The following GAK variants were observed in gnomAD, a reference collection of about 807,000 sequenced individuals.
The protein encoded by GAK is cyclin-G-associated kinase.
In GAK, 79 loss-of-function variants were observed where a neutral mutation model predicts 143.9. That is an observed-to-expected ratio of 0.55 (90% CI 0.46 to 0.66). The LOEUF is 0.66. GAK is among the 30% of genes least tolerant of loss of function. GAK has a pLI of 0.00. For synonymous variants in GAK, 881 were observed against 765.5 expected, an observed-to-expected ratio of 1.15 and a Z score of -2.49; for missense variants, 1,693 against 1,779.7, an observed-to-expected ratio of 0.95 and a Z score of 0.88.
intron 2 of GAK, 114 bp downstream of exon 2, chr4:913,493 A>T: frequency 1.2e-6 from 1 of 824,604 alleles, no homozygotes; most frequent in Non-Finnish European, 2.1e-6. Context: ...AAGTATGTCC[A>T]GGCTGTAAAA....
rs1553901969 is a variant in GAK at position 932,046 on chromosome 4, C to T, written c.142G>A (p.Glu48Lys). ...LRLRVRRVLA[E>K]GGFAFVYEAQ... ...CGCTGCCGACCCGGGGCCTCACCTT[C>T]GGCCAGGACCCGCCGCACCCGCAGC... is the stretch of plus-strand genomic sequence containing the variant. Residue 48 changes from glutamate to lysine, a missense_variant, in exon 1 of 28, where the codon GAA (glutamate) becomes AAA (lysine). This residue lies in a region of GAK where 871 missense variants were observed against 991.0 expected (regional missense o/e 0.88). Transcript: ENST00000314167. This position sits in a 1 kb window ranked among gnomAD's most constrained non-coding sequence, Gnocchi z 4.0. 11 of 1,582,212 alleles carry T rather than the reference C, an allele frequency of 7.0e-6. No homozygotes were observed. Among genetic ancestry groups the T allele is most frequent in the Non-Finnish European group, 9.4e-6 (11 of 1,164,984 alleles).
intron 5 of GAK, among the ~76,000 whole-genome samples, chr4:902,598 A>AAAAAAACAAAAC (rs1553889027): frequency 5.4e-5 from 8 of 147,444 alleles, no homozygotes; most frequent in Non-Finnish European, 9.0e-5. Context: ...GACTGACTCA[A>AAAAAAACAAAAC]AAAAAAAAAA....
chr4:893,368 C>G lies in GAK; in HGVS notation c.990+9G>C. The G allele has an allele frequency of 6.5e-7, 1 of 1,535,796 alleles. No individual in the cohort carries two copies. Among genetic ancestry groups the G allele is most frequent in the Non-Finnish European group, 8.8e-7 (1 of 1,138,062 alleles). On this transcript the variant is annotated intron_variant, in intron 9 of 27. Transcript: ENST00000314167. ...CGGGGGATTTGGGGCTCACGTGTGCCTCCCTCACCTCTGTGATGGGAGACT... is the reference window on the plus strand; with the variant it reads ...CGGGGGATTTGGGGCTCACGTGTGCGTCCCTCACCTCTGTGATGGGAGACT...
At chr4:910,212 G>A (rs1435903218) in intron 4 of GAK, among the ~76,000 whole-genome samples, 7 of 152,156 alleles carry the variant, frequency 4.6e-5, no homozygotes, top group Admixed American at 4.6e-4. Flanking sequence ...TATCCAAGCA[G>A]CTTACACCCC....
intron 20 of GAK, among the ~76,000 whole-genome samples, chr4:867,912 G>A (rs1441372758): frequency 2.0e-5 from 3 of 152,238 alleles, no homozygotes; most frequent in South Asian, 2.1e-4. Flanking sequence ...GGCTCTCTCC[G>A]CCTGGGCCTC....
Position 866,488 on chromosome 4 carries a change from C to A in GAK, c.2919G>T (p.Gln973His). Reference sequence around the variant, plus strand: ...CGAAGAGATCAGGATTGGAGCAGGGCTGGGAGTTGTTGCCTGAAGACGGCA... The same window carrying A: ...CGAAGAGATCAGGATTGGAGCAGGGATGGGAGTTGTTGCCTGAAGACGGCA... The part of the protein sequence containing the change: ...PLLPSSGNNS[Q>H]PCSNPDLFGE... Residue 973 changes from glutamine (Q) to histidine (H), a missense_variant, in exon 22 of 28, where the codon CAG becomes CAT. Around this residue, in one of 2 missense-constraint regions of GAK, gnomAD observed 822 missense variants for 788.7 expected, o/e 1.04. Coordinates refer to ENST00000314167, the MANE Select transcript of GAK (RefSeq NM_005255.4). 1 of 1,614,060 alleles carries A rather than the reference C, an allele frequency of 6.2e-7. No individual in the cohort carries two copies. Among genetic ancestry groups the A allele is most frequent in the South Asian group, 1.1e-5 (1 of 91,074 alleles).
chr4:855,330 T>C (rs1019938958), intron 24 of GAK, among the ~76,000 whole-genome samples: 7 of 152,010 alleles, frequency 4.6e-5, no homozygotes, highest in African/African-American at 1.5e-4. Flanking sequence ...AAATGTTTAT[T>C]TTTTCTAAAA....
chr4:887,900 C>A (rs1184828907), intron 11 of GAK: 1 of 126,084 alleles, frequency 7.9e-6, no homozygotes, highest in Non-Finnish European at 1.7e-5. Context: ...CCAGCATTTA[C>A]ACACACATGC....
chr4:917,497 T>C (rs531128543), intron 1 of GAK, among the ~76,000 whole-genome samples: 2 of 152,220 alleles, frequency 1.3e-5, no homozygotes, highest in African/African-American at 2.4e-5. Context: ...AATGGATCTA[T>C]AGTAACAGAA....
intron 15 of GAK, among the ~76,000 whole-genome samples, chr4:881,370 C>T (rs375575868): frequency 1.3e-5 from 2 of 152,180 alleles, no homozygotes; most frequent in East Asian, 1.9e-4. Context: ...ACTCCTCGGG[C>T]GTGGACACCT....
intron 1 of GAK, among the ~76,000 whole-genome samples, chr4:927,921 A>G (rs759777875): frequency 1.1e-4 from 16 of 152,240 alleles, no homozygotes; most frequent in Non-Finnish European, 2.2e-4. Flanking sequence ...CTAAGAGAAC[A>G]GCACAGAGCT....
At chr4:892,626 T>C (rs1577197496) in intron 9 of GAK, among the ~76,000 whole-genome samples, 1 of 151,634 alleles carries the variant, frequency 6.6e-6, no homozygotes, top group African/African-American at 2.4e-5. Flanking sequence ...TGCCTGGGAG[T>C]GGACCCTGGC....
intron 10 of GAK, among the ~76,000 whole-genome samples, chr4:890,127 C>T (rs1717346840): frequency 6.6e-6 from 1 of 152,252 alleles, no homozygotes; most frequent in South Asian, 2.1e-4. Context: ...AAAGGGGTGT[C>T]TGTTTCCCTG....
chr4:873,495 GTA>G (rs1713152048), intron 18 of GAK, among the ~76,000 whole-genome samples: 2 of 108,658 alleles, frequency 1.8e-5, no homozygotes, highest in Admixed American at 1.7e-4. Flanking sequence ...GTTAAACCTT[GTA>G]AAAAAAAAAA....
At chr4:869,964 G>C (rs892867014) in intron 19 of GAK, 1 of 146,586 alleles carries the variant, frequency 6.8e-6, no homozygotes, top group East Asian at 2.1e-4. Flanking sequence ...CGGTACACAC[G>C]AACGCACACA....
intron 27 of GAK, 59 bp from the exon 28 acceptor site, chr4:849,833 G>GGGCCCCCCCC: frequency 8.4e-7 from 1 of 1,190,148 alleles, no homozygotes; most frequent in Non-Finnish European, 1.2e-6. Flanking sequence ...GGCGGGGCAG[G>GGGCCCCCCCC]ACCCCCCCCC....
At chr4:849,831 A>AGGGGG in intron 27 of GAK, 57 bp from the exon 28 acceptor site, 8 of 999,038 alleles carry the variant, frequency 8.0e-6, no homozygotes, top group Non-Finnish European at 1.2e-5. Context: ...CGGGCGGGGC[A>AGGGGG]GGACCCCCCC....
intron 1 of GAK, among the ~76,000 whole-genome samples, chr4:930,792 GTT>G (rs1725565780): frequency 6.6e-6 from 1 of 152,160 alleles, no homozygotes; most frequent in South Asian, 2.1e-4. Context: ...CCCAAAATCT[GTT>G]TGGTTTTGAC....
intron 1 of GAK, 164 bp from the exon 2 acceptor site, chr4:913,832 C>T: frequency 1.6e-6 from 1 of 619,078 alleles, no homozygotes; most frequent in Non-Finnish European, 2.9e-6. Context: ...CAAACACAGC[C>T]CCAGCATACA....
Sources: allele counts gnomAD v4.1 joint callset (sites outside exome capture counted in the v4.1 genomes callset), GRCh38; gene constraint gnomAD v4.1.1; regional missense constraint gnomAD v4.1.1; non-coding constraint Gnocchi (gnomAD v3.1); transcripts MANE v1.5; gene names NCBI Gene and HGNC (gene_info 2026-07-23, HGNC 2026-07-21).